The following WNK2 variants were observed in gnomAD, a reference collection of about 807,000 sequenced individuals.
WNK2 encodes serine/threonine-protein kinase WNK2.
In WNK2, 67 loss-of-function variants were observed where a neutral mutation model predicts 192.1. That is an observed-to-expected ratio of 0.35 (90% CI 0.29 to 0.43). The LOEUF (loss-of-function observed/expected upper bound fraction) is 0.43, where lower values mean the gene tolerates loss of function less well. WNK2 is among the 20% of genes least tolerant of loss of function. The pLI, the probability that WNK2 is intolerant of heterozygous loss-of-function variation, is 1.00. For missense variants in WNK2, 2,698 were observed against 3,089.7 expected, an observed-to-expected ratio of 0.87 and a Z score of 3.01; for synonymous variants, 1,439 against 1,393.9, an observed-to-expected ratio of 1.03 and a Z score of -0.72.
chr9:93,288,526 T>C (rs1024962405), intron 19 of WNK2, among the ~76,000 whole-genome samples: 9 of 152,172 alleles, frequency 5.9e-5, no homozygotes, highest in Admixed American at 3.9e-4. Flanking sequence ...TGGTGCTGGT[T>C]CAGCCACAAG....
chr9:93,263,984 T>A lies in WNK2; in HGVS notation c.3647T>A (p.Phe1216Tyr). 6.2e-7 allele frequency: 1 copy of A among 1,613,490 alleles called. No individual in the cohort carries two copies. The highest frequency in any genetic ancestry group is 8.5e-7 in the Non-Finnish European group (1 of 1,179,770). Residue 1216 changes from phenylalanine (F) to tyrosine (Y), a missense_variant, in exon 16 of 30, where the codon TTC becomes TAC. By Grantham distance (22) the Phe-to-Tyr change is conservative. Around this residue, in one of 7 missense-constraint regions of WNK2, gnomAD observed 21 missense variants for 53.2 expected, o/e 0.39. Coordinates refer to ENST00000427277, the MANE Select transcript of WNK2 (RefSeq NM_006648.4). ...ACGCACAACCACAAGATGGTGACCT[T>A]CAAGTTCGACTTGGACGGGGACGCA... ...LETHNHKMVT[F>Y]KFDLDGDAPD...
chr9:93,246,130 A>G (rs148195182), intron 7 of WNK2, among the ~76,000 whole-genome samples: 2 of 152,252 alleles, frequency 1.3e-5, no homozygotes, highest in East Asian at 1.9e-4. Flanking sequence ...GTCTGTGGAC[A>G]TGTCCTTCAA....
At chr9:93,200,835 C>T (rs1467893210) in intron 2 of WNK2, among the ~76,000 whole-genome samples, 1 of 151,910 alleles carries the variant, frequency 6.6e-6, no homozygotes, top group Non-Finnish European at 1.5e-5. Flanking sequence ...TGGCTAGGCG[C>T]ATTTATGAGA....
At chr9:93,238,090 G>C (rs902353484) in intron 5 of WNK2, 143 bp from the exon 6 acceptor site, 11 of 662,298 alleles carry the variant, frequency 1.7e-5, no homozygotes, top group Non-Finnish European at 2.4e-5. Flanking sequence ...CACATATTTT[G>C]CCCAGTTTTC....
intron 20 of WNK2, 51 bp downstream of exon 20, chr9:93,289,671 C>G: frequency 7.0e-7 from 1 of 1,420,162 alleles, no homozygotes; most frequent in Non-Finnish European, 9.2e-7. Flanking sequence ...GGGGCCGGAG[C>G]CCGGGCGCAG....
rs1346437228 is a variant in WNK2, at chr9:93,231,032, A to T, written c.999A>T (p.Gly333=). ...DLKCDNIFIT[G]PTGSVKIGDL... is the part of the protein sequence containing the mutation. ...AATGTGACAATATTTTCATCACCGGACCAACTGGGTCTGTGAAGATTGGCG... is the reference window on the plus strand; with the variant it reads ...AATGTGACAATATTTTCATCACCGGTCCAACTGGGTCTGTGAAGATTGGCG... Residue 333 remains glycine, a synonymous_variant, in exon 4 of 30, where the codon GGA becomes GGT. Coordinates refer to ENST00000427277, the MANE Select transcript of WNK2 (RefSeq NM_006648.4). 1 of 1,613,610 alleles carries T rather than the reference A, an allele frequency of 6.2e-7. No homozygotes were observed. Among genetic ancestry groups the T allele is most frequent in the East Asian group, 2.2e-5 (1 of 44,874 alleles).
Position 93,259,289 on chromosome 9 carries a change from C to A in WNK2, c.2741C>A (p.Ala914Glu), listed in dbSNP as rs764191432. Residue 914 changes from alanine to glutamate, a missense_variant, in exon 12 of 30, where the codon GCG (alanine) becomes GAG (glutamate). Ala to Glu is a moderately radical substitution (Grantham distance 107). Transcript: ENST00000427277. This position sits in a 1 kb window ranked among gnomAD's most constrained non-coding sequence, Gnocchi z 4.8. Reference protein sequence around the residue: ...AQLPGQPVYPAAFPQMAPTDV... With the variant: ...AQLPGQPVYPEAFPQMAPTDV... ...CTCCCAGGCCAACCTGTGTACCCAG[C>A]GGCCTTCCCACAGATGGCGCCTACT... 1 of 1,613,676 alleles carries A rather than the reference C, an allele frequency of 6.2e-7. No individual in the cohort carries two copies. The highest frequency in any genetic ancestry group is 8.5e-7 in the Non-Finnish European group (1 of 1,179,796).
intron 2 of WNK2, among the ~76,000 whole-genome samples, chr9:93,200,364 C>T (rs949418475): frequency 1.3e-5 from 2 of 152,156 alleles, no homozygotes; most frequent in South Asian, 2.1e-4. Flanking sequence ...GAGGGAGACC[C>T]GAGGCTGTCT....
At chr9:93,194,411 A>G (rs1300540632) in intron 2 of WNK2, among the ~76,000 whole-genome samples, 1 of 152,254 alleles carries the variant, frequency 6.6e-6, no homozygotes, top group Non-Finnish European at 1.5e-5. Context: ...AGCTTAACAG[A>G]TACCTCACCA....
chr9:93,231,675 C>T (rs1026505670), intron 4 of WNK2, among the ~76,000 whole-genome samples: 3 of 152,198 alleles, frequency 2.0e-5, no homozygotes, highest in Non-Finnish European at 4.4e-5. Flanking sequence ...GCGTTGTGCA[C>T]AGGATAGGAG....
intron 19 of WNK2, among the ~76,000 whole-genome samples, chr9:93,282,881 T>C (rs899658815): frequency 3.3e-5 from 5 of 152,208 alleles, no homozygotes; most frequent in African/African-American, 1.2e-4. Context: ...ATATTTTTAA[T>C]TTAACTTTAC....
Position 93,239,057 on chromosome 9 carries a change from T to C in WNK2, c.1323-700T>C, listed in dbSNP as rs1840292054. Among the ~76,000 whole-genome samples the C allele has an allele frequency of 1.3e-5, 2 of 152,194 alleles. No homozygotes were observed. The highest frequency in any genetic ancestry group is 2.9e-5 in the Non-Finnish European group (2 of 68,030). ...AGTGCGTGCTGTGTGGTTCCATTTATAGGGTAAAGGGGGTTATAGGTTAGT... is the reference window on the plus strand; with the variant it reads ...AGTGCGTGCTGTGTGGTTCCATTTACAGGGTAAAGGGGGTTATAGGTTAGT... On this transcript the variant is annotated intron_variant, in intron 6 of 29. Coordinates refer to ENST00000427277, the MANE Select transcript of WNK2 (RefSeq NM_006648.4). This position sits in a 1 kb window ranked among gnomAD's most constrained non-coding sequence, Gnocchi z 4.2.
At chr9:93,244,697 A>G (rs1273281085) in intron 7 of WNK2, among the ~76,000 whole-genome samples, 1 of 152,200 alleles carries the variant, frequency 6.6e-6, no homozygotes, top group Non-Finnish European at 1.5e-5. Context: ...CCTCACCCAC[A>G]TGCTCACTAG....
Position 93,297,940 on chromosome 9 carries a change from C to T in WNK2, c.5796C>T (p.Pro1932=), listed in dbSNP as rs753972546. 5.7e-6 allele frequency: 9 copies of T among 1,588,176 alleles called. No individual in the cohort carries two copies. In the South Asian group the frequency reaches 6.9e-5, roughly 12 times the overall value. ...LYRRLGKPLP[P]NVGFFHTAPP... ...GCCGCCTGGGCAAGCCACTGCCCCCCAACGTGGGCTTCTTCCACACGGCAC... is the reference window on the plus strand; with the variant it reads ...GCCGCCTGGGCAAGCCACTGCCCCCTAACGTGGGCTTCTTCCACACGGCAC... Residue 1932 remains proline, a synonymous_variant, in exon 24 of 30, where the codon CCC becomes CCT. Transcript: ENST00000427277.
intron 2 of WNK2, among the ~76,000 whole-genome samples, chr9:93,207,902 C>T (rs536498149): frequency 2.0e-5 from 3 of 152,336 alleles, no homozygotes; most frequent in Middle Eastern, 3.4e-3. Context: ...TTCACAGTTC[C>T]GTTCTCGTGC....
intron 2 of WNK2, among the ~76,000 whole-genome samples, chr9:93,214,707 C>CG (rs1472730447): frequency 3.3e-5 from 4 of 121,798 alleles, no homozygotes; most frequent in African/African-American, 9.0e-5. Context: ...GCCCCCCCCC[C>CG]CCCCGCCCTC....
Position 93,289,085 on chromosome 9 carries a change from T to A in WNK2, c.4331T>A (p.Leu1444His). The change falls in exon 20 of 30, where the codon CTT (leucine) becomes CAT (histidine). Residue 1444 changes from leucine (L) to histidine (H), a missense_variant. Physicochemically the swap from Leu to His is moderately conservative, Grantham distance 99. This residue lies in a region of WNK2 where 1,098 missense variants were observed against 1,101.0 expected (regional missense o/e 1.00). Transcript: ENST00000427277. Reference protein sequence around the residue: ...QPLAETHEAPLAVQPLVVGLA... With the variant: ...QPLAETHEAPHAVQPLVVGLA... ...CTAGCGGAGACTCACGAGGCCCCGC[T>A]TGCTGTGCAGCCCCTCGTGGTGGGC... The A allele has an allele frequency of 6.2e-7, 1 of 1,608,386 alleles. No individual in the cohort carries two copies. Among genetic ancestry groups the A allele is most frequent in the East Asian group, 2.2e-5 (1 of 44,694 alleles).
intron 25 of WNK2, 136 bp downstream of exon 25, chr9:93,299,397 G>T: frequency 1.1e-6 from 1 of 898,756 alleles, no homozygotes; most frequent in Non-Finnish European, 1.6e-6. Context: ...TTTTAAAAAG[G>T]ATAAAAAAAA....
At chr9:93,222,959 G>A (rs1190212674) in intron 2 of WNK2, among the ~76,000 whole-genome samples, 3 of 152,188 alleles carry the variant, frequency 2.0e-5, no homozygotes, top group Non-Finnish European at 2.9e-5. Context: ...TGGGATTACC[G>A]GTGTGAGCCA....
Sources: allele counts gnomAD v4.1 joint callset (sites outside exome capture counted in the v4.1 genomes callset), GRCh38; gene constraint gnomAD v4.1.1; regional missense constraint gnomAD v4.1.1; non-coding constraint Gnocchi (gnomAD v3.1); transcripts MANE v1.5; gene names NCBI Gene and HGNC (gene_info 2026-07-23, HGNC 2026-07-21).